The following NUBPL variants were observed in gnomAD, a reference collection of about 807,000 sequenced individuals.
NUBPL encodes the protein iron-sulfur cluster transfer protein NUBPL.
In NUBPL, 31 loss-of-function variants were observed where a neutral mutation model predicts 45.7. That is an observed-to-expected ratio of 0.68 (90% CI 0.51 to 0.92). The LOEUF (loss-of-function observed/expected upper bound fraction) is 0.92, where lower values mean the gene tolerates loss of function less well. Ranked by LOEUF, NUBPL falls within the 40% of genes least tolerant of loss-of-function variation. The pLI, the probability that NUBPL is intolerant of heterozygous loss-of-function variation, is 0.00. For synonymous variants in NUBPL, 144 were observed against 140.9 expected (o/e 1.02, Z -0.15); for missense variants, 401 against 398.7 (o/e 1.01, Z -0.05).
intron 6 of NUBPL, among the ~76,000 whole-genome samples, chr14:31,739,209 T>C (rs1216113065): frequency 2.1e-5 from 2 of 96,948 alleles, no homozygotes; most frequent in South Asian, 4.3e-4. Flanking sequence ...ATTCTATATA[T>C]ATATTATATT....
rs372679883 is a variant in NUBPL at position 31,826,647 on chromosome 14, C to A, written c.626C>A (p.Thr209Lys). 1.2e-6 allele frequency: 2 copies of A among 1,613,958 alleles called. No homozygotes were observed. The highest frequency in any genetic ancestry group is 1.7e-6 in the Non-Finnish European group (2 of 1,179,938). ...TGGCTAGGTGCTGTGATTGTCTCCA[C>A]GCCCCAGGACATCGCATTGATGGAT... ...IPITGAVIVS[T>K]PQDIALMDAH... The change falls in exon 8 of 11, where the codon ACG (threonine) becomes AAG (lysine). Residue 209 changes from threonine (T) to lysine (K), a missense_variant. Physicochemically the swap from Thr to Lys is moderately conservative, Grantham distance 78. Coordinates refer to ENST00000281081, the MANE Select transcript of NUBPL (RefSeq NM_025152.3).
intron 3 of NUBPL, among the ~76,000 whole-genome samples, chr14:31,594,714 A>G (rs977965193): frequency 6.6e-6 from 1 of 152,244 alleles, no homozygotes; most frequent in Non-Finnish European, 1.5e-5. Flanking sequence ...CTTAGCTAAT[A>G]GAATTTGGAA....
At chr14:31,608,621 G>A (rs1312984983) in intron 4 of NUBPL, among the ~76,000 whole-genome samples, 1 of 152,078 alleles carries the variant, frequency 6.6e-6, no homozygotes, top group Non-Finnish European at 1.5e-5. Context: ...TCACCTGAAG[G>A]TACAAAACTC....
chr14:31,590,729 T>C (rs76446476), intron 3 of NUBPL, among the ~76,000 whole-genome samples: 1 of 152,338 alleles, frequency 6.6e-6, no homozygotes, highest in East Asian at 1.9e-4. Context: ...AAATGACTAG[T>C]TGATATCACA....
intron 6 of NUBPL, among the ~76,000 whole-genome samples, chr14:31,780,854 C>T (rs919661078): frequency 1.3e-5 from 2 of 152,104 alleles, no homozygotes; most frequent in East Asian, 1.9e-4. Flanking sequence ...CCAACATATC[C>T]GAATTTTAGG....
At chr14:31,605,109 T>C (rs2034549580) in intron 4 of NUBPL, among the ~76,000 whole-genome samples, 1 of 152,180 alleles carries the variant, frequency 6.6e-6, no homozygotes, top group South Asian at 2.1e-4. Flanking sequence ...AAATGCCAAT[T>C]TTTTCCTTCA....
At chr14:31,665,270 G>A (rs767539682) in intron 4 of NUBPL, among the ~76,000 whole-genome samples, 3 of 151,976 alleles carry the variant, frequency 2.0e-5, no homozygotes, top group Non-Finnish European at 2.9e-5. Context: ...GCTAGCTTTT[G>A]AATTTGTTTG....
intron 6 of NUBPL, among the ~76,000 whole-genome samples, chr14:31,769,111 T>C (rs144818741): frequency 1.5e-3 from 229 of 152,244 alleles, no homozygotes; most frequent in Middle Eastern, 0.014. Context: ...CATTGATTAG[T>C]GATGGTAATA....
chr14:31,771,123 A>C (rs139100090), intron 6 of NUBPL, among the ~76,000 whole-genome samples: 2 of 150,964 alleles, frequency 1.3e-5, no homozygotes, highest in African/African-American at 2.4e-5. Flanking sequence ...TACTGATTTA[A>C]AACAAAACCT....
chr14:31,578,074 T>C (rs746489467), intron 3 of NUBPL: 62 of 831,626 alleles, frequency 7.5e-5, no homozygotes, highest in Non-Finnish European at 4.6e-5. Flanking sequence ...TCCAAAGTTT[T>C]GAATGCATTA....
chr14:31,585,760 T>C (rs1257550810), intron 3 of NUBPL, among the ~76,000 whole-genome samples: 2 of 152,218 alleles, frequency 1.3e-5, no homozygotes, highest in Non-Finnish European at 2.9e-5. Context: ...GGTTATCTTG[T>C]GGTTTGATTT....
Position 31,810,869 on chromosome 14 carries a change from C to A in NUBPL, c.608-15760C>A, listed in dbSNP as rs532290343. 5.7e-4 allele frequency among the ~76,000 whole-genome samples: 86 copies of A among 152,130 alleles called. No homozygotes were observed. The East Asian group carries it at 0.013, about 23-fold the overall frequency. ...CTGTAAAGGATTTTATTTCTCCTTC[C>A]CTTATGAAGCTTAGTTTGGCTGGAT... On this transcript the variant is annotated intron_variant, in intron 7 of 10. Coordinates refer to ENST00000281081, the MANE Select transcript of NUBPL (RefSeq NM_025152.3).
intron 8 of NUBPL, among the ~76,000 whole-genome samples, chr14:31,838,279 C>CA (rs748313330): frequency 0.06 from 3,637 of 60,132 alleles, 116 homozygotes; most frequent in African/African-American, 0.079. Flanking sequence ...TAATATCCAG[C>CA]AAAAAAAAAA....
chr14:31,697,256 T>C (rs1437210308), intron 6 of NUBPL, among the ~76,000 whole-genome samples: 4 of 152,170 alleles, frequency 2.6e-5, no homozygotes, highest in Non-Finnish European at 4.4e-5. Context: ...TCTTATTCAA[T>C]TGAAAGCCAA....
At chr14:31,600,699 A>G (rs910666852) in intron 4 of NUBPL, among the ~76,000 whole-genome samples, 5 of 151,950 alleles carry the variant, frequency 3.3e-5, no homozygotes, top group African/African-American at 4.8e-5. Context: ...CCCATTTTGT[A>G]GGTTGCCTGT....
chr14:31,573,156 T>C (rs1354749380), intron 3 of NUBPL, among the ~76,000 whole-genome samples: 1 of 152,178 alleles, frequency 6.6e-6, no homozygotes, highest in Non-Finnish European at 1.5e-5. Context: ...TGTGTTGTGC[T>C]GTGATGTTAT....
intron 3 of NUBPL, among the ~76,000 whole-genome samples, chr14:31,570,326 G>C (rs10144198): frequency 0.048 from 7,312 of 152,122 alleles, 221 homozygotes; most frequent in Admixed American, 0.066. Context: ...TATTAATATT[G>C]CTTCATAACA....
At chr14:31,719,986 T>A (rs2037773913) in intron 6 of NUBPL, among the ~76,000 whole-genome samples, 1 of 152,190 alleles carries the variant, frequency 6.6e-6, no homozygotes, top group South Asian at 2.1e-4. Flanking sequence ...ATTTAACTCT[T>A]AAGAGCTTAT....
chr14:31,634,562 T>A (rs2035435468), intron 4 of NUBPL, among the ~76,000 whole-genome samples: 1 of 152,134 alleles, frequency 6.6e-6, no homozygotes, highest in Non-Finnish European at 1.5e-5. Context: ...TGTTCATGTG[T>A]CTTTATAGCA....
Sources: gnomAD v4.1 joint callset for allele counts (sites outside exome capture counted in the v4.1 genomes callset) on GRCh38, gnomAD v4.1.1 for gene constraint, MANE v1.5 for transcripts, NCBI Gene and HGNC (gene_info 2026-07-23, HGNC 2026-07-21) for gene names.